The following PACRGL variants were observed in gnomAD, a reference collection of about 807,000 sequenced individuals.
PACRGL encodes the protein parkin coregulated like, also known as PACRG-like protein.
PACRGL carries 38 observed loss-of-function variants against 34.5 expected under a neutral mutation model. The observed-to-expected ratio is 1.10, with a 90% CI of 0.85 to 1.44. The LOEUF is 1.44. Ranked by LOEUF, PACRGL falls within the 40% of genes most tolerant of loss-of-function variation. The pLI, the probability that PACRGL is intolerant of heterozygous loss-of-function variation, is 0.00. For synonymous variants in PACRGL, 128 were observed against 100.1 expected, an observed-to-expected ratio of 1.28 and a Z score of -1.66; for missense variants, 305 against 281.4, an observed-to-expected ratio of 1.08 and a Z score of -0.60.
At chr4:20,736,731 C>T (rs1447360582), downstream of PACRGL, among the ~76,000 whole-genome samples, 1 of 152,146 alleles carries the variant, frequency 6.6e-6, no homozygotes, top group Non-Finnish European at 1.5e-5. Context: ...AATTATACAA[C>T]CCTTCCACTT....
At chr4:20,723,522 G>A (rs1330593007) in intron 7 of PACRGL, among the ~76,000 whole-genome samples, 1 of 151,962 alleles carries the variant, frequency 6.6e-6, no homozygotes, top group Non-Finnish European at 1.5e-5. Context: ...TCAAAGGGAT[G>A]TGATATGTAG....
Position 20,727,614 on chromosome 4 carries a change from A to G in PACRGL, c.*273A>G. 1 of 307,718 alleles carries G rather than the reference A, an allele frequency of 3.2e-6. No individual in the cohort carries two copies. The highest frequency in any genetic ancestry group is 6.0e-6 in the Non-Finnish European group (1 of 166,430). 19.1% of individuals were successfully genotyped at this position (307,718 alleles called of 1,614,324 possible). A position where few individuals can be genotyped will look rare whatever the true frequency, so the allele number is the denominator to read the frequency against. ...GAAGAACCATTATTGAGTTTGCAAG[A>G]TAAGATGTATTTGTATTTTCTAGTG... On this transcript the variant is annotated 3_prime_UTR_variant, in exon 9 of 9. Transcript: ENST00000503585.
At chr4:20,716,976 C>G (rs1740372620) in intron 7 of PACRGL, among the ~76,000 whole-genome samples, 1 of 152,224 alleles carries the variant, frequency 6.6e-6, no homozygotes, top group African/African-American at 2.4e-5. Context: ...CCTATTCCTC[C>G]ACATCCTCTC....
intron 7 of PACRGL, among the ~76,000 whole-genome samples, chr4:20,717,898 G>A (rs1447231319): frequency 6.6e-6 from 1 of 152,120 alleles, no homozygotes; most frequent in Non-Finnish European, 1.5e-5. Context: ...CGATGGGGAT[G>A]GCATTGATTC....
chr4:20,704,083 T>C (rs994961455), intron 1 of PACRGL, among the ~76,000 whole-genome samples: 1 of 152,152 alleles, frequency 6.6e-6, no homozygotes, highest in Non-Finnish European at 1.5e-5. Context: ...ATTTGGAGCT[T>C]TGGAAATACA....
intron 4 of PACRGL, among the ~76,000 whole-genome samples, chr4:20,708,500 G>A (rs1055607640): frequency 6.6e-6 from 1 of 151,788 alleles, no homozygotes; most frequent in South Asian, 2.1e-4. Context: ...TGGTATTTTC[G>A]GATTTGGAGT....
In PACRGL at chr4:20,730,209, T is replaced by A. The variant is rs1343562698; in HGVS notation, c.*2868T>A. 1 of 1,477,118 alleles carries A rather than the reference T, an allele frequency of 6.8e-7. No homozygotes were observed. The highest frequency in any genetic ancestry group is 9.0e-7 in the Non-Finnish European group (1 of 1,107,332). 91.5% of individuals were successfully genotyped at this position (1,477,118 alleles called of 1,614,324 possible). Reference sequence around the variant, plus strand: ...CACTATTTTGCCCCTGAGTATTGCCTCCTCCCATCAACCACCTCAACCACC... The same window carrying A: ...CACTATTTTGCCCCTGAGTATTGCCACCTCCCATCAACCACCTCAACCACC... On this transcript the variant is annotated 3_prime_UTR_variant, in exon 9 of 9. Transcript: ENST00000503585.
rs572054593 is a variant in PACRGL, at chr4:20,714,687, C to T, written c.609+1148C>T. 3.2e-4 allele frequency among the ~76,000 whole-genome samples: 49 copies of T among 152,136 alleles called. No homozygotes were observed. The South Asian group carries it at 9.3e-3, about 29-fold the overall frequency. ...GCTTCCTTCAGGAGCTCTTTTAGGG[C>T]AGGCCTGGTGGAAATGCAAATCAAA... On this transcript the variant is annotated intron_variant, in intron 7 of 8. Coordinates refer to ENST00000503585, the MANE Select transcript of PACRGL (RefSeq NM_001258345.3).
chr4:20,712,488 T>G (rs1002143400), intron 5 of PACRGL, among the ~76,000 whole-genome samples: 8 of 152,140 alleles, frequency 5.3e-5, no homozygotes, highest in Non-Finnish European at 1.5e-5. Flanking sequence ...AGAGATTATT[T>G]AAAGTATATG....
the PACRGL span, among the ~76,000 whole-genome samples, chr4:20,760,285 A>G: frequency 1.2e-4 from 19 of 152,260 alleles, no homozygotes; most frequent in Non-Finnish European, 2.4e-4. Context: ...GGAAGGATGA[A>G]TGGTGTGCTA....
At chr4:20,720,771 T>A (rs970321943) in intron 7 of PACRGL, among the ~76,000 whole-genome samples, 1 of 152,122 alleles carries the variant, frequency 6.6e-6, no homozygotes, top group African/African-American at 2.4e-5. Context: ...TTTCCTTCAT[T>A]TCAACCTTGG....
Position 20,718,579 on chromosome 4 carries a change from C to T in PACRGL, c.609+5040C>T, listed in dbSNP as rs116590812. ...TGACAAAGTCCTTTTCTGCATCTAT[C>T]GAGATAATCGTGGTTTTTGTCTTTG... On this transcript the variant is annotated intron_variant, in intron 7 of 8. Coordinates refer to ENST00000503585, the MANE Select transcript of PACRGL (RefSeq NM_001258345.3). Among the ~76,000 whole-genome samples the T allele has an allele frequency of 7.1e-3, 1,087 of 152,174 alleles. 14 individuals carry two copies. Among genetic ancestry groups the T allele is most frequent in the African/African-American group, 0.024 (1,002 of 41,508 alleles).
chr4:20,730,995 AAAGT>A lies in PACRGL; in HGVS notation c.*3658_*3661del, dbSNP rs1322644725. Among the ~76,000 whole-genome samples, 4 of 152,346 alleles carry A rather than the reference AAAGT, an allele frequency of 2.6e-5. No individual in the cohort carries two copies. Among genetic ancestry groups the A allele is most frequent in the African/African-American group, 9.6e-5 (4 of 41,586 alleles). On this transcript the variant is annotated 3_prime_UTR_variant, in exon 9 of 9. Coordinates refer to ENST00000503585, the MANE Select transcript of PACRGL (RefSeq NM_001258345.3). ...GTTGAGAGACAAGCAGACATCCAGAAAAGTAAGAACAACAATTTAAAAATAAAGA... is the reference window on the plus strand; with the variant it reads ...GTTGAGAGACAAGCAGACATCCAGAAAAGAACAACAATTTAAAAATAAAGA...
In PACRGL at chr4:20,713,613, A is replaced by T. The variant is rs1393629383; in HGVS notation, c.609+74A>T. 8.5e-6 allele frequency: 11 copies of T among 1,290,296 alleles called. No homozygotes were observed. The Admixed American group carries it at 2.0e-4, about 24-fold the overall frequency. 79.9% of individuals were successfully genotyped at this position (1,290,296 alleles called of 1,614,324 possible). Reference sequence around the variant, plus strand: ...CATCCATATCTCTTCATGATTTAACAATTTCAAATCTTCAACTCAAAACCT... The same window carrying T: ...CATCCATATCTCTTCATGATTTAACTATTTCAAATCTTCAACTCAAAACCT... On this transcript the variant is annotated intron_variant, in intron 7 of 8. Coordinates refer to ENST00000503585, the MANE Select transcript of PACRGL (RefSeq NM_001258345.3).
At chr4:20,714,059 C>T (rs1338849284) in intron 7 of PACRGL, among the ~76,000 whole-genome samples, 1 of 151,978 alleles carries the variant, frequency 6.6e-6, no homozygotes, top group East Asian at 1.9e-4. Context: ...TCCTTGTTAA[C>T]TTTCTGTCTC....
chr4:20,757,421 G>C (rs1282657914), downstream of PACRGL, among the ~76,000 whole-genome samples: 1 of 152,074 alleles, frequency 6.6e-6, no homozygotes, highest in Non-Finnish European at 1.5e-5. Context: ...GACTGTAAAA[G>C]ATCCCACTTA....
chr4:20,734,755 C>G, downstream of PACRGL: 2 of 1,379,708 alleles, frequency 1.4e-6, no homozygotes, highest in Non-Finnish European at 2.0e-6. Context: ...AATAAAAATT[C>G]AATTTTATAT....
intron 1 of PACRGL, chr4:20,701,956 G>A: frequency 8.8e-6 from 4 of 454,954 alleles, no homozygotes; most frequent in Non-Finnish European, 1.3e-5. Flanking sequence ...GATTTTGAAA[G>A]GGGATGTAGA....
intron 5 of PACRGL, among the ~76,000 whole-genome samples, chr4:20,711,229 C>G (rs1737035989): frequency 6.6e-6 from 1 of 151,956 alleles, no homozygotes; most frequent in South Asian, 2.1e-4. Flanking sequence ...TCATATTGTA[C>G]AGGGAGTGCT....
Sources: allele counts gnomAD v4.1 joint callset (sites outside exome capture counted in the v4.1 genomes callset), GRCh38; gene constraint gnomAD v4.1.1; transcripts MANE v1.5; gene names NCBI Gene and HGNC (gene_info 2026-07-23, HGNC 2026-07-21).